Variants in CREG2 observed in about 807,000 individuals in gnomAD.
The protein encoded by CREG2 is cellular repressor of E1A stimulated genes 2.
Under a neutral mutation model 26.2 loss-of-function variants are expected in CREG2, and 24 were observed. The ratio of observed to expected loss-of-function variants is 0.92; its 90% CI spans 0.66 to 1.29. CREG2 has a LOEUF of 1.29. Among genes scored for constraint, CREG2 ranks in the 50% most tolerant of loss-of-function variants. The pLI is 0.00. For missense variants in CREG2, 366 were observed against 398.6 expected (o/e 0.92, Z 0.70); for synonymous variants, 174 against 169.2 (o/e 1.03, Z -0.22).
In CREG2 at chr2:101,350,318, A is replaced by G. The variant is rs1471695581; in HGVS notation, c.*605T>C. 1 of 152,320 alleles carries G rather than the reference A, an allele frequency of 6.6e-6. No homozygotes were observed. Among genetic ancestry groups the G allele is most frequent in the East Asian group, 1.9e-4 (1 of 5,190 alleles). The allele number at this position is 152,320 out of a possible 1,614,324, so 9.4% of individuals were successfully genotyped here. A position where few individuals can be genotyped will look rare whatever the true frequency, so the allele number is the denominator to read the frequency against. On this transcript the variant is annotated 3_prime_UTR_variant, in exon 4 of 4. Coordinates refer to ENST00000324768, the MANE Select transcript of CREG2 (RefSeq NM_153836.4). Reference sequence around the variant, plus strand: ...AGAAGGGCTATGCACAAAGCACCCTATGTTCTTACACTGTTTTCATGTTAT... The same window carrying G: ...AGAAGGGCTATGCACAAAGCACCCTGTGTTCTTACACTGTTTTCATGTTAT...
At chr2:101,368,695 A>T (rs1253315887) in intron 2 of CREG2, among the ~76,000 whole-genome samples, 3 of 152,250 alleles carry the variant, frequency 2.0e-5, no homozygotes, top group Non-Finnish European at 4.4e-5. Flanking sequence ...GGGCAGGGAA[A>T]GCACGCTAGA....
rs1357481342 is a variant in CREG2, at chr2:101,359,052, AAAAAAAAAAAAAAAAAAAAAG to A, written c.612-3707_612-3687del. On this transcript the variant is annotated intron_variant, in intron 2 of 3. Transcript: ENST00000324768. ...TCCGTCTCAAAAAAAAAAAAAAAAA[AAAAAAAAAAAAAAAAAAAAAG>A]AGAGAACTGAGGCAAGTTTTAGAGC... Among the ~76,000 whole-genome samples, 3 of 17,236 alleles carry A rather than the reference AAAAAAAAAAAAAAAAAAAAAG, an allele frequency of 1.7e-4. 1 individual carries two copies. The highest frequency in any genetic ancestry group is 6.5e-4 in the Non-Finnish European group (2 of 3,082). 11.3% of individuals were successfully genotyped at this position (17,236 alleles called of 152,430 possible).
chr2:101,373,420 G>A (rs531835391), intron 2 of CREG2, among the ~76,000 whole-genome samples: 11 of 152,292 alleles, frequency 7.2e-5, no homozygotes, highest in African/African-American at 2.6e-4. Flanking sequence ...GAGACAGAAA[G>A]AAGCTTAATG....
chr2:101,352,946 C>T (rs7577779), intron 3 of CREG2, among the ~76,000 whole-genome samples: 102,267 of 151,944 alleles, frequency 0.67, 36,282 homozygotes, highest in South Asian at 0.78. Flanking sequence ...AAAATCCTTG[C>T]CTCTAAAATT....
At chr2:101,362,981 C>T (rs1422321259) in intron 2 of CREG2, among the ~76,000 whole-genome samples, 5 of 152,192 alleles carry the variant, frequency 3.3e-5, no homozygotes, top group Admixed American at 3.3e-4. Context: ...TGACTGTGCT[C>T]ACTCATCGAG....
rs754742167 is a variant in CREG2 at position 101,351,112 on chromosome 2, A to G, written c.726-42T>C. The G allele has an allele frequency of 3.1e-6, 5 of 1,599,950 alleles. No homozygotes were observed. The South Asian group carries it at 4.5e-5, about 14-fold the overall frequency. On this transcript the variant is annotated intron_variant, in intron 3 of 3. Coordinates refer to ENST00000324768, the MANE Select transcript of CREG2 (RefSeq NM_153836.4). ...AGACCACAGTAAAGCTGCTCTTATC[A>G]GAGAGGTGCACCCTGGGCCAAGTCA...
intron 2 of CREG2, among the ~76,000 whole-genome samples, chr2:101,375,205 T>C (rs1684771360): frequency 6.6e-6 from 1 of 152,184 alleles, no homozygotes; most frequent in Non-Finnish European, 1.5e-5. Flanking sequence ...AAGCAAGTTG[T>C]TCCGAGGGAT....
rs778141481 is a variant in CREG2, at chr2:101,355,369, G to A, written c.612-3C>T. On this transcript the variant is annotated splice_region_variant and splice_polypyrimidine_tract_variant and intron_variant, in intron 2 of 3. Transcript: ENST00000324768. The stretch of plus-strand genomic sequence containing the variant: ...CTTCCGGATCAACGATGTTTTTTCT[G>A]CATGTGAAAAACATTTTTTGTATAT... 1 of 1,599,152 alleles carries A rather than the reference G, an allele frequency of 6.3e-7. No homozygotes were observed. Among genetic ancestry groups the A allele is most frequent in the Admixed American group, 1.7e-5 (1 of 59,908 alleles).
At chr2:101,351,214 T>A in intron 3 of CREG2, 144 bp from the exon 4 acceptor site, 1 of 750,326 alleles carries the variant, frequency 1.3e-6, no homozygotes, top group Non-Finnish European at 2.1e-6. Flanking sequence ...GGGAGCTGAG[T>A]GTCAGTGCCT....
chr2:101,370,085 G>T (rs532926738), intron 2 of CREG2, among the ~76,000 whole-genome samples: 27 of 152,214 alleles, frequency 1.8e-4, no homozygotes, highest in Non-Finnish European at 3.7e-4. Context: ...AGCCCTATGA[G>T]GATTTGGCCT....
intron 2 of CREG2, among the ~76,000 whole-genome samples, chr2:101,359,452 T>C (rs560652493): frequency 2.0e-5 from 3 of 152,348 alleles, no homozygotes; most frequent in South Asian, 2.1e-4. Flanking sequence ...GGTGCACACA[T>C]GTGAGCCCAC....
chr2:101,358,414 T>C (rs112301447), intron 2 of CREG2, among the ~76,000 whole-genome samples: 46 of 152,268 alleles, frequency 3.0e-4, no homozygotes, highest in African/African-American at 1.1e-3. Context: ...CTTTTAAATA[T>C]CATGCTGGGA....
chr2:101,374,082 C>G (rs1392591932), intron 2 of CREG2, among the ~76,000 whole-genome samples: 1 of 152,172 alleles, frequency 6.6e-6, no homozygotes, highest in East Asian at 1.9e-4. Flanking sequence ...ACTCAACGGC[C>G]TGCCCTGAGT....
In CREG2 at chr2:101,347,265, T is replaced by TA. The variant is rs1233279679; in HGVS notation, c.*3657dup. On this transcript the variant is annotated 3_prime_UTR_variant, in exon 4 of 4. Coordinates refer to ENST00000324768, the MANE Select transcript of CREG2 (RefSeq NM_153836.4). Reference sequence around the variant, plus strand: ...TCTCCAAGTTTTTGAACATTATGGATAAAACTGATATGAACATTCATGCAC... The same window carrying TA: ...TCTCCAAGTTTTTGAACATTATGGATAAAAACTGATATGAACATTCATGCAC... 6.6e-6 allele frequency: 1 copy of TA among 152,234 alleles called. No individual in the cohort carries two copies. The highest frequency in any genetic ancestry group is 1.5e-5 in the Non-Finnish European group (1 of 68,026). The allele number at this position is 152,234 out of a possible 1,614,324, so 9.4% of individuals were successfully genotyped here.
chr2:101,348,341 T>C lies in CREG2; in HGVS notation c.*2582A>G, dbSNP rs1019394625. The C allele has an allele frequency of 6.6e-6, 1 of 152,254 alleles. No homozygotes were observed. Among genetic ancestry groups the C allele is most frequent in the Non-Finnish European group, 1.5e-5 (1 of 68,048 alleles). The allele number at this position is 152,254 out of a possible 1,614,324, so 9.4% of individuals were successfully genotyped here. A position where few individuals can be genotyped will look rare whatever the true frequency, so the allele number is the denominator to read the frequency against. The stretch of plus-strand genomic sequence containing the variant: ...CTTGTATAGGTCTACAAAATCCTTG[T>C]TGAGATTTTGATAGGAATTGCATTA... On this transcript the variant is annotated 3_prime_UTR_variant, in exon 4 of 4. Transcript: ENST00000324768.
chr2:101,370,115 C>T lies in CREG2; in HGVS notation c.611+13418G>A, dbSNP rs567693314. Among the ~76,000 whole-genome samples the T allele has an allele frequency of 3.3e-5, 5 of 152,236 alleles. No individual in the cohort carries two copies. The South Asian group carries it at 1.0e-3, about 32-fold the overall frequency. On this transcript the variant is annotated intron_variant, in intron 2 of 3. Transcript: ENST00000324768. ...TGGCCTGTGGATCCTTAAGCAAGTC[C>T]TTCACACCCTCTGTGCCTCAGTTTC...
At chr2:101,384,956 C>T (rs1438090434) in intron 1 of CREG2, among the ~76,000 whole-genome samples, 1 of 152,134 alleles carries the variant, frequency 6.6e-6, no homozygotes. Context: ...TGGCTCTACA[C>T]CTTCCACCAT....
chr2:101,370,508 A>T (rs1175433098), intron 2 of CREG2, among the ~76,000 whole-genome samples: 1 of 152,220 alleles, frequency 6.6e-6, no homozygotes, highest in African/African-American at 2.4e-5. Flanking sequence ...AGCCAGGCAG[A>T]TATTAATGGG....
intron 2 of CREG2, 40 bp from the exon 3 acceptor site, chr2:101,355,406 C>CA (rs1334841033): frequency 1.6e-6 from 2 of 1,267,892 alleles, no homozygotes; most frequent in South Asian, 2.4e-5. Flanking sequence ...AGAACAAGGA[C>CA]AGAACATCAG....
Sources: allele counts gnomAD v4.1 joint callset (sites outside exome capture counted in the v4.1 genomes callset), GRCh38; gene constraint gnomAD v4.1.1; transcripts MANE v1.5; gene names NCBI Gene and HGNC (gene_info 2026-07-23, HGNC 2026-07-21).